NEU3: variants seen among roughly 807,000 people sequenced by gnomAD.
The protein encoded by NEU3 is sialidase-3.
Under a neutral mutation model 11.4 loss-of-function variants are expected in NEU3, and 10 were observed. The observed-to-expected ratio is 0.88, with a 90% CI of 0.54 to 1.49. The LOEUF is 1.49. Ranked by LOEUF, NEU3 falls within the 40% of genes most tolerant of loss-of-function variation. The pLI, the probability that NEU3 is intolerant of heterozygous loss-of-function variation, is 0.00. For missense variants in NEU3, 529 were observed against 581.8 expected, an observed-to-expected ratio of 0.91 and a Z score of 0.93; for synonymous variants, 212 against 228.2, an observed-to-expected ratio of 0.93 and a Z score of 0.64.
intron 2 of NEU3, among the ~76,000 whole-genome samples, chr11:75,000,883 C>G (rs528131358): frequency 8.4e-4 from 127 of 151,636 alleles, no homozygotes; most frequent in African/African-American, 3.0e-3. Flanking sequence ...ACTTTGGTTG[C>G]TTTTGCCTGT....
intron 2 of NEU3, 190 bp downstream of exon 2, chr11:74,994,910 A>AGCCATTCTG: frequency 1.4e-6 from 1 of 701,036 alleles, no homozygotes; most frequent in Non-Finnish European, 2.6e-6. Flanking sequence ...GGGTCCTCAC[A>AGCCATTCTG]GCCATTCTGT....
At chr11:74,993,166 T>A (rs1382127396) in intron 1 of NEU3, among the ~76,000 whole-genome samples, 1 of 152,076 alleles carries the variant, frequency 6.6e-6, no homozygotes, top group East Asian at 1.9e-4. Context: ...TCCGCATGGG[T>A]TAGACTCTAG....
intron 2 of NEU3, among the ~76,000 whole-genome samples, chr11:75,000,221 T>A (rs1041014355): frequency 7.3e-5 from 11 of 150,962 alleles, no homozygotes; most frequent in South Asian, 2.1e-4. Context: ...GTTATTCTTT[T>A]AAAAAAAAAA....
chr11:74,989,516 C>T lies in NEU3; in HGVS notation c.94+362C>T, dbSNP rs34495731. On this transcript the variant is annotated intron_variant, in intron 1 of 2. Transcript: ENST00000294064. ...GGAGTGGCGTTCAGTAAGCTTTGTCCCCATCCCGGGCCCGAGTTTTCCCAT... is the reference window on the plus strand; with the variant it reads ...GGAGTGGCGTTCAGTAAGCTTTGTCTCCATCCCGGGCCCGAGTTTTCCCAT... Among the ~76,000 whole-genome samples the T allele has an allele frequency of 1.7e-3, 262 of 152,120 alleles. 8 individuals carry two copies. The East Asian group carries it at 0.048, about 28-fold the overall frequency.
chr11:75,004,181 A>G (rs1011996671), intron 2 of NEU3: 1 of 456,282 alleles, frequency 2.2e-6, no homozygotes, highest in Non-Finnish European at 3.6e-6. Context: ...ACTTCAATCC[A>G]TATATGAAAG....
At position 75,006,189 on chromosome 11, in the gene NEU3, G is replaced by A; in HGVS notation, c.1083G>A (p.Trp361Ter). The A allele has an allele frequency of 1.2e-6, 2 of 1,614,020 alleles. No individual in the cohort carries two copies. The highest frequency in any genetic ancestry group is 1.7e-6 in the Non-Finnish European group (2 of 1,179,900). ...AAGCTGGAACACCGTCAGAATCATGGCTCTTGTACTCACACCCAACCAGTA... is the reference window on the plus strand; with the variant it reads ...AAGCTGGAACACCGTCAGAATCATGACTCTTGTACTCACACCCAACCAGTA... ...EEEAGTPSES[W>*]LLYSHPTSRK... Residue 361 changes from tryptophan (W) to a stop codon, truncating the protein, a stop_gained, in exon 3 of 3, where the codon TGG becomes TGA. Transcript: ENST00000294064. LOFTEE classifies it high-confidence loss of function.
chr11:74,989,844 A>C, intron 1 of NEU3: 1 of 636,184 alleles, frequency 1.6e-6, no homozygotes, highest in Middle Eastern at 2.5e-4. Context: ...CCCAGTAAGA[A>C]AGCGGGAAGG....
At chr11:75,012,562 A>G (rs1464325747), downstream of NEU3, among the ~76,000 whole-genome samples, 1 of 152,218 alleles carries the variant, frequency 6.6e-6, no homozygotes, top group Non-Finnish European at 1.5e-5. Context: ...GTAGAGTATT[A>G]AACCTTTTGG....
At position 75,005,670 on chromosome 11, in the gene NEU3, CTGGGCCACATTTGCTG is replaced by C. The variant is rs770386334; in HGVS notation, c.571_586del (p.Thr191GlnfsTer39). 1.9e-6 allele frequency: 3 copies of C among 1,614,052 alleles called. No individual in the cohort carries two copies. In the South Asian group the frequency reaches 3.3e-5, roughly 18 times the overall value. On this transcript the variant is annotated frameshift_variant, in exon 3 of 3. Transcript: ENST00000294064. LOFTEE classifies it low-confidence loss of function (END_TRUNC). ...AGGTCATTGGCTCAGAGCTGAAGCA[CTGGGCCACATTTGCTG>C]TGGGCCCAGGTCATGGCATCCAGCT...
chr11:75,018,252 C>G (rs572558160), intron 3 of NEU3, among the ~76,000 whole-genome samples: 1 of 152,050 alleles, frequency 6.6e-6, no homozygotes, highest in Admixed American at 6.6e-5. Flanking sequence ...TTGTTCTCCC[C>G]CTCCCTGCCT....
In NEU3 at chr11:75,005,749, T is replaced by C; in HGVS notation, c.643T>C (p.Tyr215His). 1 of 1,613,914 alleles carries C rather than the reference T, an allele frequency of 6.2e-7. No homozygotes were observed. The highest frequency in any genetic ancestry group is 8.5e-7 in the Non-Finnish European group (1 of 1,179,798). The change falls in exon 3 of 3, where the codon TAC (tyrosine) becomes CAC (histidine). Residue 215 changes from tyrosine (Y) to histidine (H), a missense_variant. Transcript: ENST00000294064. The stretch of plus-strand genomic sequence containing the variant: ...ACTGGTCATCCCTGCGTATACCTAC[T>C]ACATCCCTTCCTGGTTCTTTTGCTT... ...GRLVIPAYTY[Y>H]IPSWFFCFQL...
At chr11:74,985,746 A>G (rs1213313568), upstream of NEU3, among the ~76,000 whole-genome samples, 1 of 152,244 alleles carries the variant, frequency 6.6e-6, no homozygotes, top group Non-Finnish European at 1.5e-5. Context: ...GAGGGATTGC[A>G]AAGAGCCCAC....
Position 75,018,256 on chromosome 11 carries a change from C to T in NEU3, c.*2-435C>T, listed in dbSNP as rs928087849. ...ATAAGGTGAGCTTGTTCTCCCCCTC[C>T]CTGCCTTCTTCCCACTTGTGATGGT... On this transcript the variant is annotated intron_variant, in intron 3 of 3. Transcript: ENST00000529024. 1.4e-4 allele frequency among the ~76,000 whole-genome samples: 22 copies of T among 152,176 alleles called. 2 individuals carry two copies. Among genetic ancestry groups the T allele is most frequent in the Admixed American group, 1.1e-3 (17 of 15,276 alleles).
At chr11:75,019,154 A>C (rs138102367), downstream of NEU3, among the ~76,000 whole-genome samples, 1,675 of 152,356 alleles carry the variant, frequency 0.011, 13 homozygotes, top group Admixed American at 0.019. Flanking sequence ...GAAGTGGAGC[A>C]TAAAAGTTCA....
chr11:75,003,559 A>G (rs1487071793), intron 2 of NEU3, among the ~76,000 whole-genome samples: 1 of 152,182 alleles, frequency 6.6e-6, no homozygotes, highest in African/African-American at 2.4e-5. Context: ...TACTACATAC[A>G]CTATTCTGTA....
At position 75,008,218 on chromosome 11, in the gene NEU3, G is replaced by A. The variant is rs762715151; in HGVS notation, c.*1726G>A. On this transcript the variant is annotated 3_prime_UTR_variant, in exon 3 of 3. Transcript: ENST00000294064. ...GTGGTTCTCCATTGCCTATTATAAT[G>A]TAAAGATGTTTACATTTAGCCTGGC... 3.3e-5 allele frequency: 5 copies of A among 152,304 alleles called. No homozygotes were observed. The highest frequency in any genetic ancestry group is 5.9e-5 in the Non-Finnish European group (4 of 68,032). The allele number at this position is 152,304 out of a possible 1,614,324, so 9.4% of individuals were successfully genotyped here. A position where few individuals can be genotyped will look rare whatever the true frequency, so the allele number is the denominator to read the frequency against.
chr11:75,020,439 C>A (rs1203531069), downstream of NEU3, among the ~76,000 whole-genome samples: 1 of 152,120 alleles, frequency 6.6e-6, no homozygotes, highest in Non-Finnish European at 1.5e-5. Flanking sequence ...GTGGGAGGGA[C>A]CCAGTGGGAG....
At chr11:75,019,806 C>T (rs1948996114), downstream of NEU3, among the ~76,000 whole-genome samples, 1 of 152,216 alleles carries the variant, frequency 6.6e-6, no homozygotes, top group Non-Finnish European at 1.5e-5. Flanking sequence ...TTGGAGCCCC[C>T]ACACAGAATC....
chr11:75,006,546 CAG>C lies in NEU3; in HGVS notation c.*56_*57del. 2 of 1,537,908 alleles carry C rather than the reference CAG, an allele frequency of 1.3e-6. No homozygotes were observed. Among genetic ancestry groups the C allele is most frequent in the Non-Finnish European group, 1.7e-6 (2 of 1,142,914 alleles). On this transcript the variant is annotated 3_prime_UTR_variant, in exon 3 of 3. Transcript: ENST00000294064. ...CAAATGGCAGTTACAGACAGGTTAA[CAG>C]AAGCTACTGAAGTCTACAGATAATC...
Sources: gnomAD v4.1 joint callset for allele counts (sites outside exome capture counted in the v4.1 genomes callset) on GRCh38, gnomAD v4.1.1 for gene constraint, MANE v1.5 for transcripts, NCBI Gene and HGNC (gene_info 2026-07-23, HGNC 2026-07-21) for gene names.